The following SETD1B variants were observed in gnomAD, a reference collection of about 807,000 sequenced individuals.
The protein encoded by SETD1B is SET domain containing 1B, histone lysine methyltransferase.
SETD1B carries 7 observed loss-of-function variants against 148.0 expected under a neutral mutation model. That is an observed-to-expected ratio of 0.05 (90% CI 0.03 to 0.09). SETD1B has a LOEUF of 0.09. Among genes scored for constraint, SETD1B ranks in the 10% least tolerant of loss-of-function variants. The probability of loss-of-function intolerance (pLI) is 1.00; values close to 1 mark genes in which losing one functional copy is unlikely to be tolerated. For synonymous variants in SETD1B, 1,361 were observed against 1,186.5 expected (o/e 1.15, Z -3.02); for missense variants, 2,155 against 2,729.9 (o/e 0.79, Z 4.69).
Position 121,821,317 on chromosome 12 carries a change from A to AT in SETD1B, c.3911-1172dup, listed in dbSNP as rs554977909. On this transcript the variant is annotated intron_variant, in intron 11 of 16. Coordinates refer to ENST00000604567, the MANE Select transcript of SETD1B (RefSeq NM_001353345.2). ...GAAAAACAGGTGGCAGGCTCCTGTA[A>AT]TCCCAGCTACTTGGGAGGCTGAGGC... Among the ~76,000 whole-genome samples, 41 of 152,212 alleles carry AT rather than the reference A, an allele frequency of 2.7e-4. No individual in the cohort carries two copies. In the South Asian group the frequency reaches 6.8e-3, roughly 25 times the overall value.
At chr12:121,799,717 T>TGGGGGGGGGTGG (rs1555335213), upstream of SETD1B, 2 of 19,136 alleles carry the variant, frequency 1.0e-4, no homozygotes, top group Admixed American at 5.9e-4. Context: ...CGCTCGCAGC[T>TGGGGGGGGGTGG]GGGGGGGGGG....
chr12:121,823,935 G>A (rs1037733945), intron 12 of SETD1B, among the ~76,000 whole-genome samples, 186 bp downstream of exon 12: 1 of 152,130 alleles, frequency 6.6e-6, no homozygotes, highest in Non-Finnish European at 1.5e-5. Flanking sequence ...GTGAATCATT[G>A]GCACGTTTTA....
chr12:121,824,343 T>C (rs1052955768), intron 12 of SETD1B, among the ~76,000 whole-genome samples: 1 of 152,162 alleles, frequency 6.6e-6, no homozygotes, highest in African/African-American at 2.4e-5. Context: ...GCACTCAGTT[T>C]GTGTCAAGAG....
Position 121,810,673 on chromosome 12 carries a change from C to T in SETD1B, c.1728C>T (p.Pro576=), listed in dbSNP as rs1161677745. The T allele has an allele frequency of 6.5e-7, 1 of 1,550,274 alleles. No individual in the cohort carries two copies. Among genetic ancestry groups the T allele is most frequent in the Non-Finnish European group, 8.7e-7 (1 of 1,146,886 alleles). The part of the protein sequence containing the change: ...STGLEDISPT[P]LPDSDEDEEL... ...GCCTGGAGGATATCAGCCCAACACC[C>T]CTCCCAGACTCCGACGAGGACGAGG... Residue 576 remains proline, a synonymous_variant, in exon 6 of 17, where the codon CCC becomes CCT. Coordinates refer to ENST00000604567, the MANE Select transcript of SETD1B (RefSeq NM_001353345.2). The surrounding 1 kb of genome is among the most constrained non-coding windows in gnomAD (Gnocchi z 7.6).
upstream of SETD1B, chr12:121,799,717 T>TGGGGGTGGGGGGGG (rs1875205682): frequency 5.2e-5 from 1 of 19,134 alleles, no homozygotes; most frequent in Admixed American, 5.9e-4. Context: ...CGCTCGCAGC[T>TGGGGGTGGGGGGGG]GGGGGGGGGG....
intron 13 of SETD1B, among the ~76,000 whole-genome samples, chr12:121,826,104 T>C (rs1441299635): frequency 6.6e-6 from 1 of 151,956 alleles, no homozygotes; most frequent in Non-Finnish European, 1.5e-5. Context: ...TGAGACGGGG[T>C]CTCACTCTGT....
Position 121,817,796 on chromosome 12 carries a change from C to T in SETD1B, c.3313-3C>T, listed in dbSNP as rs1308670410. 3.9e-6 allele frequency: 6 copies of T among 1,548,748 alleles called. No homozygotes were observed. The highest frequency in any genetic ancestry group is 5.2e-6 in the Non-Finnish European group (6 of 1,145,474). ...CCTGTCCCCACTCTTCCTTCTCCCC[C>T]AGGATGACGACGATGACGACAGTGA... is the stretch of plus-strand genomic sequence containing the variant. On this transcript the variant is annotated splice_polypyrimidine_tract_variant and splice_region_variant and intron_variant, in intron 9 of 16. Coordinates refer to ENST00000604567, the MANE Select transcript of SETD1B (RefSeq NM_001353345.2). This position sits in a 1 kb window ranked among gnomAD's most constrained non-coding sequence, Gnocchi z 8.1.
rs1196888810 is a variant in SETD1B at position 121,814,722 on chromosome 12, C to T, written c.2507C>T (p.Pro836Leu). The T allele has an allele frequency of 2.6e-6, 4 of 1,551,074 alleles. No homozygotes were observed. The highest frequency in any genetic ancestry group is 3.5e-6 in the Non-Finnish European group (4 of 1,146,982). The change falls in exon 7 of 17, where the codon CCA becomes CTA. Residue 836 changes from proline to leucine, a missense_variant. Coordinates refer to ENST00000604567, the MANE Select transcript of SETD1B (RefSeq NM_001353345.2). ...CCAGGCCGCGGGCAGCACTGGCCAC[C>T]ACTGCCCAAGTTTGACCCGTCAGTG... The part of the protein sequence containing the change: ...SGPGRGQHWP[P>L]LPKFDPSVPP...
chr12:121,794,600 TCCC>T, the SETD1B span, among the ~76,000 whole-genome samples: 5 of 151,980 alleles, frequency 3.3e-5, no homozygotes, highest in East Asian at 1.9e-4. Flanking sequence ...ATCCCAGGAA[TCCC>T]CCCAACTCTC....
the SETD1B span, among the ~76,000 whole-genome samples, chr12:121,792,395 A>C: frequency 6.6e-6 from 1 of 151,660 alleles, no homozygotes; most frequent in Non-Finnish European, 1.5e-5. Context: ...TCCTGTCCCC[A>C]CCCCTCACAA....
At chr12:121,821,029 A>G (rs1251212493) in intron 11 of SETD1B, among the ~76,000 whole-genome samples, 2 of 152,222 alleles carry the variant, frequency 1.3e-5, no homozygotes, top group African/African-American at 4.8e-5. Context: ...AGCTTTGAGT[A>G]TGTGCAGATT....
Position 121,823,560 on chromosome 12 carries a change from G to A in SETD1B, c.4981G>A (p.Glu1661Lys), listed in dbSNP as rs372037884. The A allele has an allele frequency of 1.1e-4, 176 of 1,551,068 alleles. No individual in the cohort carries two copies. The highest frequency in any genetic ancestry group is 1.4e-4 in the Non-Finnish European group (166 of 1,146,942). Residue 1661 changes from glutamate to lysine, a missense_variant, in exon 12 of 17, where the codon GAA becomes AAA. Physicochemically the swap from Glu to Lys is moderately conservative, Grantham distance 56 (BLOSUM62 1). Around this residue, in one of 11 missense-constraint regions of SETD1B, gnomAD observed 862 missense variants for 873.8 expected, o/e 0.99. Coordinates refer to ENST00000604567, the MANE Select transcript of SETD1B (RefSeq NM_001353345.2). ...CCTGGTGCCACCTGCGGGCTCGCCC[G>A]AACTCTCGCCACCCCAGCCCCTCTT... ...EDLVPPAGSP[E>K]LSPPQPLFRP...
intron 16 of SETD1B, among the ~76,000 whole-genome samples, chr12:121,828,486 G>A (rs1876948162): frequency 6.6e-6 from 1 of 151,834 alleles, no homozygotes; most frequent in Non-Finnish European, 1.5e-5. Flanking sequence ...TTAGCCACAT[G>A]TGTGGTGGTG....
At position 121,819,722 on chromosome 12, in the gene SETD1B, G is replaced by T. The variant is rs907823002; in HGVS notation, c.3737G>T (p.Arg1246Leu). ...ACTGAGGCTGTGGCCCCTGAGGAGCGGCCCTCCATGCTGGACGAGCCCCCC... is the reference window on the plus strand; with the variant it reads ...ACTGAGGCTGTGGCCCCTGAGGAGCTGCCCTCCATGCTGGACGAGCCCCCC... ...IETEAVAPEE[R>L]PSMLDEPPLP... is the part of the protein sequence containing the mutation. Residue 1246 changes from arginine (R) to leucine (L), a missense_variant, in exon 11 of 17, where the codon CGG becomes CTG. Coordinates refer to ENST00000604567, the MANE Select transcript of SETD1B (RefSeq NM_001353345.2). 76 of 1,551,026 alleles carry T rather than the reference G, an allele frequency of 4.9e-5. No individual in the cohort carries two copies. In the Admixed American group the frequency reaches 1.5e-3, roughly 30 times the overall value.
At chr12:121,803,470 C>T (rs1875501981), upstream of SETD1B, 1 of 152,256 alleles carries the variant, frequency 6.6e-6, no homozygotes, top group Non-Finnish European at 1.5e-5. This position sits in a 1 kb window ranked among gnomAD's most constrained non-coding sequence, Gnocchi z 4.7. Flanking sequence ...GGTCTCCCTT[C>T]CCCAGCTCAG....
At position 121,805,764 on chromosome 12, in the gene SETD1B, CGG is replaced by C. The variant is rs1285396764; in HGVS notation, c.274-65_274-64del. 3.6e-6 allele frequency: 5 copies of C among 1,384,400 alleles called. No individual in the cohort carries two copies. The highest frequency in any genetic ancestry group is 4.9e-6 in the Non-Finnish European group (5 of 1,028,232). 85.8% of individuals were successfully genotyped at this position (1,384,400 alleles called of 1,614,324 possible). On this transcript the variant is annotated intron_variant, in intron 3 of 16. Coordinates refer to ENST00000604567, the MANE Select transcript of SETD1B (RefSeq NM_001353345.2). This position sits in a 1 kb window ranked among gnomAD's most constrained non-coding sequence, Gnocchi z 4.2. ...ACGGGTGGGCGAGTTGCGGGCGGGG[CGG>C]GGGGGATGTTGTGTTTTCCCTTAGG...
At position 121,822,552 on chromosome 12, in the gene SETD1B, T is replaced by C. The variant is rs1042720410; in HGVS notation, c.3973T>C (p.Leu1325=). The change falls in exon 12 of 17, where the codon TTG becomes CTG. Residue 1325 remains leucine, a synonymous_variant. Coordinates refer to ENST00000604567, the MANE Select transcript of SETD1B (RefSeq NM_001353345.2). ...GCTCCCCTTGCCGCTGCAACCACCA[T>C]TGCCGCCCCCACGACCACCCCGGCC... The part of the protein sequence containing the change: ...MMLPLPLQPP[L]PPPRPPRPPS... 7.7e-6 allele frequency: 12 copies of C among 1,551,060 alleles called. No homozygotes were observed. The South Asian group carries it at 1.1e-4, about 14-fold the overall frequency.
intron 12 of SETD1B, 88 bp from the exon 13 acceptor site, chr12:121,825,112 A>G: frequency 7.4e-7 from 1 of 1,353,386 alleles, no homozygotes. Flanking sequence ...CTGTCCCTGA[A>G]GGGTGGTCTG....
the SETD1B span, chr12:121,793,737 G>T: frequency 9.4e-7 from 1 of 1,068,436 alleles, no homozygotes; most frequent in Non-Finnish European, 1.3e-6. Flanking sequence ...TCGGAGCAGC[G>T]CCGCCTCCGC....
Sources: allele counts gnomAD v4.1 joint callset (sites outside exome capture counted in the v4.1 genomes callset), GRCh38; gene constraint gnomAD v4.1.1; regional missense constraint gnomAD v4.1.1; non-coding constraint Gnocchi (gnomAD v3.1); transcripts MANE v1.5; gene names NCBI Gene and HGNC (gene_info 2026-07-23, HGNC 2026-07-21).